Variants in MYH11 observed in about 807,000 individuals in gnomAD.
The protein encoded by MYH11 is myosin-11.
A neutral mutation model predicts 246.6 loss-of-function variants in MYH11; 80 were observed. The observed-to-expected ratio is 0.32, with a 90% CI of 0.27 to 0.39. The LOEUF is 0.39. Ranked by LOEUF, MYH11 falls within the 10% of genes least tolerant of loss-of-function variation. The probability of loss-of-function intolerance (pLI) is 1.00; values close to 1 mark genes in which losing one functional copy is unlikely to be tolerated. For missense variants in MYH11, 2,158 were observed against 2,546.8 expected (o/e 0.85, Z 3.29); for synonymous variants, 1,071 against 1,015.5 (o/e 1.05, Z -1.04).
rs2040132836 is a variant in MYH11 at position 15,716,315 on chromosome 16, C to A, written c.5504+825G>T. On this transcript the variant is annotated intron_variant, in intron 38 of 40. Coordinates refer to ENST00000300036, the MANE Select transcript of MYH11 (RefSeq NM_002474.3). ...TACATGTTTGTGAATATATGAATAG[C>A]CCTTGAATTATACACTTTAAATGGG... Among the ~76,000 whole-genome samples, 3 of 152,158 alleles carry A rather than the reference C, an allele frequency of 2.0e-5. No homozygotes were observed. In the South Asian group the frequency reaches 6.2e-4, roughly 32 times the overall value.
intron 3 of MYH11, among the ~76,000 whole-genome samples, chr16:15,815,632 C>T (rs2043245205): frequency 6.6e-6 from 1 of 152,152 alleles, no homozygotes; most frequent in Non-Finnish European, 1.5e-5. Flanking sequence ...TAATTTGCAA[C>T]ATTTCCCAGA....
rs755559945 is a variant in MYH11 at position 15,800,210 on chromosome 16, G to C, written c.503-1523C>G. ...TGGAAGGAAGGAAGAAAGGAAAGAA[G>C]GAAGGAAGAAAGGATGGGTGGATGG... On this transcript the variant is annotated intron_variant, in intron 3 of 40. Coordinates refer to ENST00000300036, the MANE Select transcript of MYH11 (RefSeq NM_002474.3). 3.3e-4 allele frequency among the ~76,000 whole-genome samples: 50 copies of C among 151,922 alleles called. 1 individual carries two copies. Among genetic ancestry groups the C allele is most frequent in the Non-Finnish European group, 5.7e-4 (39 of 67,934 alleles).
intron 40 of MYH11, chr16:15,713,109 T>C (rs1230475285): frequency 6.6e-6 from 1 of 151,914 alleles, no homozygotes; most frequent in Non-Finnish European, 1.5e-5. Flanking sequence ...GCTAAGAGGT[T>C]ATTCCATTTG....
At chr16:15,808,488 T>C (rs2043064932) in intron 3 of MYH11, among the ~76,000 whole-genome samples, 1 of 152,308 alleles carries the variant, frequency 6.6e-6, no homozygotes, top group East Asian at 1.9e-4. Flanking sequence ...CTCCCCACTC[T>C]ACTCTCCCGG....
Position 15,771,663 on chromosome 16 carries a change from G to C in MYH11, c.939C>G (p.Gly313=), listed in dbSNP as rs773165722. The change falls in exon 9 of 41, where the codon GGC becomes GGG. Residue 313 remains glycine (G), a synonymous_variant. Coordinates refer to ENST00000300036, the MANE Select transcript of MYH11 (RefSeq NM_002474.3). ...CCTGGGCTGCTGGGATGGGCACAAA[G>C]CCATTGGAGAGGAAGGTGTAGTTGT... ...GFNNYTFLSN[G]FVPIPAAQDD... is the part of the protein sequence containing the mutation. 2.0e-5 allele frequency: 32 copies of C among 1,614,032 alleles called. No individual in the cohort carries two copies. In the South Asian group the frequency reaches 3.3e-4, roughly 17 times the overall value.
intron 26 of MYH11, among the ~76,000 whole-genome samples, chr16:15,733,565 T>C (rs1180174883): frequency 6.6e-6 from 1 of 150,826 alleles, no homozygotes; most frequent in African/African-American, 2.4e-5. Flanking sequence ...GTTTTTCTTA[T>C]CGAGTCTTGC....
chr16:15,761,746 T>C (rs1948861194), intron 10 of MYH11, among the ~76,000 whole-genome samples: 2 of 152,174 alleles, frequency 1.3e-5, no homozygotes, highest in Admixed American at 1.3e-4. Flanking sequence ...ACTTTTTCAT[T>C]TCTCTTTCCC....
At position 15,726,984 on chromosome 16, in the gene MYH11, C is replaced by T. The variant is rs749705160; in HGVS notation, c.3722G>A (p.Arg1241Gln). ...KENADLAGEL[R>Q]VLGQAKQEVE... ...CTCCTGCTTGGCCTGGCCCAGGACC[C>T]GCAGCTCCCCGGCCAGGTCTGCGTT... The change falls in exon 28 of 41, where the codon CGG (arginine) becomes CAG (glutamine). Residue 1241 changes from arginine (R) to glutamine (Q), a missense_variant. By Grantham distance (43) the Arg-to-Gln change is conservative. Transcript: ENST00000300036. The T allele has an allele frequency of 7.4e-6, 12 of 1,611,792 alleles. No homozygotes were observed. In the African/African-American group the frequency reaches 1.1e-4, roughly 14 times the overall value.
chr16:15,734,381 C>G (rs1273945559), intron 26 of MYH11, among the ~76,000 whole-genome samples: 1 of 152,172 alleles, frequency 6.6e-6, no homozygotes, highest in East Asian at 1.9e-4. Context: ...TCACTGCAAC[C>G]TCTGCCTCCC....
At chr16:15,810,375 C>G (rs1471247653) in intron 3 of MYH11, among the ~76,000 whole-genome samples, 2 of 151,980 alleles carry the variant, frequency 1.3e-5, no homozygotes, top group African/African-American at 4.8e-5. Flanking sequence ...CCTTTGCTGT[C>G]TCCCTTCCCT....
rs35235181 is a variant in MYH11 at position 15,832,339 on chromosome 16, G to A, written c.345+5569C>T. Among the ~76,000 whole-genome samples, 127 of 152,194 alleles carry A rather than the reference G, an allele frequency of 8.3e-4. 1 individual carries two copies. Among genetic ancestry groups the A allele is most frequent in the African/African-American group, 3.0e-3 (126 of 41,510 alleles). ...TCCCAACCCCAGAGGTTTGGTATAG[G>A]GTGGAGGGTCCCACTGTCTACAGAG... On this transcript the variant is annotated intron_variant, in intron 2 of 40. Coordinates refer to ENST00000300036, the MANE Select transcript of MYH11 (RefSeq NM_002474.3).
intron 1 of MYH11, among the ~76,000 whole-genome samples, chr16:15,853,191 G>A (rs1332951154): frequency 6.6e-6 from 1 of 151,976 alleles, no homozygotes; most frequent in Non-Finnish European, 1.5e-5. Flanking sequence ...TGTTGCCCAG[G>A]CTAGAGAACA....
At chr16:15,823,233 G>A (rs770835219) in intron 3 of MYH11, 22 bp downstream of exon 3, 20 of 1,613,606 alleles carry the variant, frequency 1.2e-5, no homozygotes, top group Admixed American at 6.7e-5. Context: ...AGCTGGCCCC[G>A]TGCAGCCCTG....
At chr16:15,852,183 A>G (rs1326330655) in intron 1 of MYH11, among the ~76,000 whole-genome samples, 2 of 152,080 alleles carry the variant, frequency 1.3e-5, no homozygotes, top group African/African-American at 4.8e-5. Flanking sequence ...AATCTAACCA[A>G]TGCCTGATGA....
intron 10 of MYH11, among the ~76,000 whole-genome samples, chr16:15,761,011 G>T (rs1317718890): frequency 6.6e-6 from 1 of 152,178 alleles, no homozygotes; most frequent in Non-Finnish European, 1.5e-5. Context: ...GCTTTAAAAA[G>T]GGTCAGCTCT....
rs749924470 is a variant in MYH11, at chr16:15,735,346, G to A, written c.3506+20C>T. On this transcript the variant is annotated intron_variant, in intron 26 of 40. Transcript: ENST00000300036. The stretch of plus-strand genomic sequence containing the variant: ...TGGTGCAGTGGGATAGCAGGATGGT[G>A]GGATTGATGGGCCCCTCACCTGAGC... 1.9e-6 allele frequency: 3 copies of A among 1,612,396 alleles called. No homozygotes were observed. The highest frequency in any genetic ancestry group is 1.1e-5 in the South Asian group (1 of 91,014).
At chr16:15,846,876 C>T (rs139585022) in intron 1 of MYH11, among the ~76,000 whole-genome samples, 56 of 152,212 alleles carry the variant, frequency 3.7e-4, no homozygotes, top group African/African-American at 1.2e-3. Flanking sequence ...ATCACTTAAG[C>T]TCAGGAGGTC....
rs199961254 is a variant in MYH11 at position 15,747,928 on chromosome 16, C to G, written c.2196G>C (p.Ala732=). ...QEFRQRYEIL[A]ANAIPKGFMD... is the part of the protein sequence containing the mutation. ...TGAAGCCTTTGGGGATGGCATTCGC[C>G]GCCAGGATCTCGTAGCTTGAAACAC... The change falls in exon 18 of 41, where the codon GCG becomes GCC. Residue 732 remains alanine, a synonymous_variant. Coordinates refer to ENST00000300036, the MANE Select transcript of MYH11 (RefSeq NM_002474.3). 6.2e-7 allele frequency: 1 copy of G among 1,613,892 alleles called. No individual in the cohort carries two copies. Among genetic ancestry groups the G allele is most frequent in the Non-Finnish European group, 8.5e-7 (1 of 1,180,016 alleles).
chr16:15,843,515 C>T (rs768006153), intron 1 of MYH11, among the ~76,000 whole-genome samples: 2 of 150,492 alleles, frequency 1.3e-5, no homozygotes, highest in Non-Finnish European at 3.0e-5. Context: ...ACGGCAAAAC[C>T]CTGTCTCTAC....
Sources: gnomAD v4.1 joint callset for allele counts (sites outside exome capture counted in the v4.1 genomes callset) on GRCh38, gnomAD v4.1.1 for gene constraint, MANE v1.5 for transcripts, NCBI Gene and HGNC (gene_info 2026-07-23, HGNC 2026-07-21) for gene names.